The following ARHGEF37 variants were observed in gnomAD, a reference collection of about 807,000 sequenced individuals.
The protein encoded by ARHGEF37 is Rho guanine nucleotide exchange factor 37, also known as Rho guanine nucleotide exchange factor (GEF) 37.
Under a neutral mutation model 71.1 loss-of-function variants are expected in ARHGEF37, and 55 were observed. The ratio of observed to expected loss-of-function variants is 0.77; its 90% CI spans 0.62 to 0.97. The LOEUF is 0.97. ARHGEF37 is among the 50% of genes least tolerant of loss of function. The probability of loss-of-function intolerance (pLI) is 0.00; values close to 1 mark genes in which losing one functional copy is unlikely to be tolerated. For missense variants in ARHGEF37, 765 were observed against 836.8 expected (o/e 0.91, Z 1.06); for synonymous variants, 327 against 350.6 (o/e 0.93, Z 0.75).
intron 1 of ARHGEF37, among the ~76,000 whole-genome samples, chr5:149,591,251 T>A (rs769600995): frequency 2.6e-5 from 4 of 151,340 alleles, no homozygotes; most frequent in Non-Finnish European, 5.9e-5. Flanking sequence ...AGTTGAATGT[T>A]CCAGAGTTAA....
In ARHGEF37 at chr5:149,629,352, T is replaced by A. The variant is rs77764032; in HGVS notation, c.1818+386T>A. On this transcript the variant is annotated intron_variant, in intron 12 of 12. Coordinates refer to ENST00000333677, the MANE Select transcript of ARHGEF37 (RefSeq NM_001001669.3). ...TCTAATCTGAGAGTAGGGAAAACAG[T>A]GATTAAGAAAATAATTTCATGACTA... is the stretch of plus-strand genomic sequence containing the variant. 0.014 allele frequency among the ~76,000 whole-genome samples: 2,179 copies of A among 152,260 alleles called. 191 individuals are homozygous for A. In the East Asian group the frequency reaches 0.26, roughly 18 times the overall value.
intron 1 of ARHGEF37, among the ~76,000 whole-genome samples, chr5:149,594,400 G>A (rs1561792696): frequency 6.6e-6 from 1 of 152,220 alleles, no homozygotes; most frequent in African/African-American, 2.4e-5. Context: ...ATCACGGGGT[G>A]TGTTTGGGAG....
intron 1 of ARHGEF37, among the ~76,000 whole-genome samples, chr5:149,564,040 C>T (rs1211276298): frequency 3.3e-5 from 5 of 149,684 alleles, no homozygotes; most frequent in Admixed American, 6.7e-5. Flanking sequence ...GCAGCCTTCG[C>T]CTCCTGGATT....
At chr5:149,627,827 G>A (rs1194649747) in intron 11 of ARHGEF37, among the ~76,000 whole-genome samples, 3 of 152,222 alleles carry the variant, frequency 2.0e-5, no homozygotes, top group Non-Finnish European at 2.9e-5. Flanking sequence ...AGCATCTTCC[G>A]AAGAGGGGTG....
At chr5:149,582,380 G>A (rs955017820) in intron 1 of ARHGEF37, among the ~76,000 whole-genome samples, 1 of 152,206 alleles carries the variant, frequency 6.6e-6, no homozygotes. Flanking sequence ...TCCTTTGAAG[G>A]GAGGCAGCTG....
At chr5:149,595,961 C>G (rs1266468135) in intron 1 of ARHGEF37, among the ~76,000 whole-genome samples, 1 of 139,326 alleles carries the variant, frequency 7.2e-6, no homozygotes, top group Admixed American at 7.1e-5. Context: ...TTTTTTTTTT[C>G]CTGATCCACC....
chr5:149,581,558 C>A lies in ARHGEF37; in HGVS notation c.-78C>A, dbSNP rs189277539. 2.0e-5 allele frequency: 3 copies of A among 152,076 alleles called. No homozygotes were observed. Among genetic ancestry groups the A allele is most frequent in the Admixed American group, 6.6e-5 (1 of 15,266 alleles). 9.4% of individuals were successfully genotyped at this position (152,076 alleles called of 1,614,324 possible). On this transcript the variant is annotated 5_prime_UTR_variant, in exon 1 of 13. Transcript: ENST00000333677. Reference sequence around the variant, plus strand: ...GCTGGGCGACGCGCCCCTCCTGCCCCGGCTGCGCTGTTGCCCGGGCGGCCG... The same window carrying A: ...GCTGGGCGACGCGCCCCTCCTGCCCAGGCTGCGCTGTTGCCCGGGCGGCCG...
chr5:149,594,614 T>C (rs1035983313), intron 1 of ARHGEF37, among the ~76,000 whole-genome samples: 1 of 152,202 alleles, frequency 6.6e-6, no homozygotes, highest in African/African-American at 2.4e-5. Flanking sequence ...ATCATGGGCA[T>C]GGTGAGGCAC....
chr5:149,596,482 T>G lies in ARHGEF37; in HGVS notation c.-11-1277T>G, dbSNP rs142975972. Among the ~76,000 whole-genome samples, 74 of 152,166 alleles carry G rather than the reference T, an allele frequency of 4.9e-4. 1 individual carries two copies. In the Middle Eastern group the frequency reaches 0.01, roughly 21 times the overall value. Reference sequence around the variant, plus strand: ...ACCACACCCGGCTAATTTTTGTATTTTGAGTAGAAATGCGGTTTTACCATG... The same window carrying G: ...ACCACACCCGGCTAATTTTTGTATTGTGAGTAGAAATGCGGTTTTACCATG... On this transcript the variant is annotated intron_variant, in intron 1 of 12. Coordinates refer to ENST00000333677, the MANE Select transcript of ARHGEF37 (RefSeq NM_001001669.3).
At chr5:149,619,352 G>A (rs938669501) in intron 7 of ARHGEF37, among the ~76,000 whole-genome samples, 6 of 152,166 alleles carry the variant, frequency 3.9e-5, no homozygotes, top group Non-Finnish European at 1.5e-5. Flanking sequence ...GTGCCTAAAG[G>A]GGCCAGGCAG....
intron 2 of ARHGEF37, among the ~76,000 whole-genome samples, chr5:149,598,478 C>T (rs1258871467): frequency 6.7e-6 from 1 of 150,090 alleles, no homozygotes; most frequent in African/African-American, 2.5e-5. Context: ...TCTTTTTCCT[C>T]TTCTTCTTCT....
intron 3 of ARHGEF37, among the ~76,000 whole-genome samples, chr5:149,607,363 G>T (rs1763941528): frequency 6.6e-6 from 1 of 152,238 alleles, no homozygotes; most frequent in Admixed American, 6.5e-5. Flanking sequence ...ACTTGGTGCT[G>T]CTCTTCCCTT....
At chr5:149,578,673 A>T (rs1763053078), upstream of ARHGEF37, among the ~76,000 whole-genome samples, 1 of 152,232 alleles carries the variant, frequency 6.6e-6, no homozygotes, top group South Asian at 2.1e-4. Flanking sequence ...TTAAAAATGG[A>T]TCACTCTGTC....
chr5:149,631,785 C>T (rs1438207589), intron 12 of ARHGEF37, among the ~76,000 whole-genome samples, 197 bp from the exon 13 acceptor site: 1 of 152,190 alleles, frequency 6.6e-6, no homozygotes, highest in African/African-American at 2.4e-5. Flanking sequence ...AGGACAGTGC[C>T]AGTCACATAG....
At chr5:149,616,877 A>T in intron 5 of ARHGEF37, 111 bp downstream of exon 5, 1 of 1,145,984 alleles carries the variant, frequency 8.7e-7, no homozygotes, top group East Asian at 2.5e-5. Context: ...TTATGTAACT[A>T]TAAATCCAGA....
Position 149,622,065 on chromosome 5 carries a change from A to G in ARHGEF37, c.1335+3A>G, listed in dbSNP as rs372801026. 1.9e-6 allele frequency: 3 copies of G among 1,600,322 alleles called. No homozygotes were observed. Among genetic ancestry groups the G allele is most frequent in the African/African-American group, 2.7e-5 (2 of 74,726 alleles). ...GGGCAGAGGGAAGCATGGCCCAGGT[A>G]AGGCCTCTGAGACTTGGACACCTGT... On this transcript the variant is annotated splice_donor_region_variant and intron_variant, in intron 9 of 12. Coordinates refer to ENST00000333677, the MANE Select transcript of ARHGEF37 (RefSeq NM_001001669.3).
At chr5:149,557,423 G>A (rs1007978331) in intron 1 of ARHGEF37, among the ~76,000 whole-genome samples, 2 of 152,216 alleles carry the variant, frequency 1.3e-5, no homozygotes, top group African/African-American at 2.4e-5. Flanking sequence ...CTGCAGTTAA[G>A]CCAAAATGGT....
intron 1 of ARHGEF37, among the ~76,000 whole-genome samples, chr5:149,570,683 C>T (rs1268154863): frequency 2.6e-5 from 4 of 151,676 alleles, no homozygotes; most frequent in Non-Finnish European, 5.9e-5. Flanking sequence ...CAAGACCACC[C>T]TGGCCAATAT....
At chr5:149,586,139 C>T (rs1242341085) in intron 1 of ARHGEF37, among the ~76,000 whole-genome samples, 1 of 152,092 alleles carries the variant, frequency 6.6e-6, no homozygotes, top group Non-Finnish European at 1.5e-5. Context: ...AGTCATACAA[C>T]AAATAGAATA....
Sources: gnomAD v4.1 joint callset for allele counts (sites outside exome capture counted in the v4.1 genomes callset) on GRCh38, gnomAD v4.1.1 for gene constraint, MANE v1.5 for transcripts, NCBI Gene and HGNC (gene_info 2026-07-23, HGNC 2026-07-21) for gene names.